The following CTNNA2 variants were observed in gnomAD, a reference collection of about 807,000 sequenced individuals.
CTNNA2 encodes the protein catenin alpha-2.
A neutral mutation model predicts 101.0 loss-of-function variants in CTNNA2; 42 were observed. The observed-to-expected ratio is 0.42, with a 90% CI of 0.32 to 0.54. CTNNA2 has a LOEUF of 0.54. Ranked by LOEUF, CTNNA2 falls within the 20% of genes least tolerant of loss-of-function variation. CTNNA2 has a pLI of 0.14. For missense variants in CTNNA2, 871 were observed against 1,223.1 expected (o/e 0.71, Z 4.29); for synonymous variants, 450 against 456.4 (o/e 0.99, Z 0.18).
At chr2:79,977,222 G>GCGCGCACA (rs142876512) in intron 7 of CTNNA2, among the ~76,000 whole-genome samples, 50 of 144,836 alleles carry the variant, frequency 3.5e-4, no homozygotes, top group Middle Eastern at 3.4e-3. Context: ...GCATATGCAT[G>GCGCGCACA]CACACACACA....
intron 3 of CTNNA2, among the ~76,000 whole-genome samples, chr2:79,355,727 T>G (rs2104442522): frequency 6.6e-6 from 1 of 152,324 alleles, no homozygotes; most frequent in African/African-American, 2.4e-5. Context: ...CTTCTTTTAC[T>G]TGGCATAATG....
chr2:79,437,301 C>T (rs1215554872), intron 4 of CTNNA2, among the ~76,000 whole-genome samples: 1 of 151,816 alleles, frequency 6.6e-6, no homozygotes, highest in South Asian at 2.1e-4. Context: ...TTAAGAAGAA[C>T]TTCTCAAACT....
intron 7 of CTNNA2, among the ~76,000 whole-genome samples, chr2:80,392,429 G>A (rs1329837683): frequency 1.3e-5 from 2 of 152,050 alleles, no homozygotes; most frequent in African/African-American, 4.8e-5. Flanking sequence ...TTCATCCATG[G>A]GAATCTTGTT....
intron 17 of CTNNA2, among the ~76,000 whole-genome samples, chr2:80,618,431 C>T (rs149999016): frequency 1.2e-3 from 177 of 152,008 alleles, no homozygotes; most frequent in African/African-American, 4.1e-3. Flanking sequence ...TATGAAAAGA[C>T]TCTAAAGGTA....
At chr2:79,627,989 G>T (rs1679430116) in intron 1 of CTNNA2, among the ~76,000 whole-genome samples, 2 of 152,004 alleles carry the variant, frequency 1.3e-5, no homozygotes, top group African/African-American at 4.8e-5. Context: ...TATATTCTTT[G>T]AATATATATT....
At chr2:80,237,421 G>A (rs965839980) in intron 7 of CTNNA2, among the ~76,000 whole-genome samples, 2 of 152,166 alleles carry the variant, frequency 1.3e-5, no homozygotes, top group African/African-American at 4.8e-5. Context: ...TACGATGGGT[G>A]TATTAGGATG....
intron 3 of CTNNA2, among the ~76,000 whole-genome samples, chr2:79,807,160 A>G (rs1303559302): frequency 1.3e-5 from 2 of 151,960 alleles, no homozygotes; most frequent in South Asian, 2.1e-4. Flanking sequence ...ATACAAATAT[A>G]TTTTTGGTTT....
chr2:80,041,407 A>G (rs532949937), intron 7 of CTNNA2, among the ~76,000 whole-genome samples: 32 of 152,284 alleles, frequency 2.1e-4, no homozygotes, highest in African/African-American at 6.5e-4. Context: ...TGTATACACA[A>G]GAATCTATTT....
intron 3 of CTNNA2, among the ~76,000 whole-genome samples, chr2:79,804,291 T>C (rs909478393): frequency 5.3e-5 from 8 of 152,186 alleles, no homozygotes; most frequent in African/African-American, 1.9e-4. Context: ...TCTTTTAACA[T>C]ATACCAAACT....
chr2:80,049,587 T>C (rs1384671568), intron 7 of CTNNA2, among the ~76,000 whole-genome samples: 1 of 152,106 alleles, frequency 6.6e-6, no homozygotes, highest in Non-Finnish European at 1.5e-5. Flanking sequence ...TCTTCACACA[T>C]GTTCACATCC....
intron 3 of CTNNA2, among the ~76,000 whole-genome samples, chr2:79,794,388 T>C (rs1675531111): frequency 6.6e-6 from 1 of 151,976 alleles, no homozygotes; most frequent in African/African-American, 2.4e-5. Context: ...AATATGAACC[T>C]CAAAGTGAGT....
chr2:79,188,110 T>C (rs1216393015), intron 1 of CTNNA2, among the ~76,000 whole-genome samples: 3 of 152,206 alleles, frequency 2.0e-5, no homozygotes, highest in Middle Eastern at 3.2e-3. Flanking sequence ...TGTAATTTTA[T>C]GGATATATGT....
At chr2:80,500,278 C>T (rs1687779994) in intron 9 of CTNNA2, among the ~76,000 whole-genome samples, 2 of 152,152 alleles carry the variant, frequency 1.3e-5, no homozygotes, top group African/African-American at 4.8e-5. Context: ...GTTTTGTTCT[C>T]AAAACTCTTC....
chr2:80,498,040 T>A (rs940637290), intron 9 of CTNNA2, among the ~76,000 whole-genome samples: 1 of 152,200 alleles, frequency 6.6e-6, no homozygotes, highest in Admixed American at 6.5e-5. Context: ...ATATTTCTAT[T>A]TATTTGTTAT....
chr2:80,441,910 A>C (rs539147499), intron 9 of CTNNA2, among the ~76,000 whole-genome samples: 45 of 152,338 alleles, frequency 3.0e-4, no homozygotes, highest in African/African-American at 1.1e-3. Flanking sequence ...CCATTTTCCT[A>C]GGTCAAAAGG....
intron 3 of CTNNA2, among the ~76,000 whole-genome samples, chr2:79,325,059 A>C (rs1338995382): frequency 2.0e-5 from 3 of 152,194 alleles, no homozygotes; most frequent in African/African-American, 4.8e-5. Context: ...TGAAACGCAA[A>C]GGATGGTCTC....
At chr2:80,100,892 A>AT (rs373462351) in intron 7 of CTNNA2, among the ~76,000 whole-genome samples, 1 of 152,174 alleles carries the variant, frequency 6.6e-6, no homozygotes, top group African/African-American at 2.4e-5. Context: ...AGCAAAGATC[A>AT]TTTTTCCCTC....
chr2:80,575,401 C>G (rs146396544), intron 13 of CTNNA2: 1 of 152,124 alleles, frequency 6.6e-6, no homozygotes, highest in Non-Finnish European at 1.5e-5. Flanking sequence ...GAGCCTAAAT[C>G]TTTCTCTCTC....
chr2:80,545,506 A>T (rs941425250), intron 10 of CTNNA2, among the ~76,000 whole-genome samples: 1 of 152,060 alleles, frequency 6.6e-6, no homozygotes, highest in Non-Finnish European at 1.5e-5. Context: ...GGATTGTGCC[A>T]CTATACTCTC....
Sources: gnomAD v4.1 joint callset for allele counts (sites outside exome capture counted in the v4.1 genomes callset) on GRCh38, gnomAD v4.1.1 for gene constraint, MANE v1.5 for transcripts, NCBI Gene and HGNC (gene_info 2026-07-23, HGNC 2026-07-21) for gene names.